Variants in MCF2L observed in about 807,000 individuals in gnomAD.
MCF2L encodes the protein guanine nucleotide exchange factor DBS.
A neutral mutation model predicts 153.4 loss-of-function variants in MCF2L; 97 were observed. That is an observed-to-expected ratio of 0.63 (90% CI 0.54 to 0.75). The LOEUF (loss-of-function observed/expected upper bound fraction) is 0.75. MCF2L is among the 30% of genes least tolerant of loss of function. The probability of loss-of-function intolerance (pLI) is 0.00; values close to 1 mark genes in which losing one functional copy is unlikely to be tolerated. For missense variants in MCF2L, 1,347 were observed against 1,495.2 expected (o/e 0.90, Z 1.64); for synonymous variants, 659 against 632.2 (o/e 1.04, Z -0.64).
chr13:112,925,392 G>T (rs1016632377), intron 2 of MCF2L, among the ~76,000 whole-genome samples: 5 of 152,212 alleles, frequency 3.3e-5, no homozygotes, highest in African/African-American at 1.2e-4. Flanking sequence ...CACCCAAAAG[G>T]AAGGAGTACT....
Position 113,007,869 on chromosome 13 carries a change from A to G in MCF2L, c.80-6894A>G, listed in dbSNP as rs186100987. On this transcript the variant is annotated intron_variant, in intron 1 of 29. Coordinates refer to ENST00000535094, the MANE Select transcript of MCF2L (RefSeq NM_001112732.3). Reference sequence around the variant, plus strand: ...CCCAGACCAAGAGCCGTCACGTGACAAACTTTGTGCTTAAATGGGTTTTTA... The same window carrying G: ...CCCAGACCAAGAGCCGTCACGTGACGAACTTTGTGCTTAAATGGGTTTTTA... Among the ~76,000 whole-genome samples the G allele has an allele frequency of 1.1e-4, 17 of 148,290 alleles. 1 individual carries two copies. Among genetic ancestry groups the G allele is most frequent in the African/African-American group, 3.9e-4 (16 of 40,848 alleles).
intron 27 of MCF2L, chr13:113,095,521 C>T (rs1022559114): frequency 9.6e-6 from 10 of 1,040,342 alleles, no homozygotes; most frequent in South Asian, 6.9e-5. Flanking sequence ...GGGGAGTGAT[C>T]CTGGCTACTC....
chr13:112,905,492 G>A (rs1333268018), intron 2 of MCF2L, among the ~76,000 whole-genome samples: 1 of 152,226 alleles, frequency 6.6e-6, no homozygotes, highest in Non-Finnish European at 1.5e-5. Context: ...AAGGAGGCAA[G>A]GAAGTTAGGC....
chr13:113,081,247 G>T lies in MCF2L; in HGVS notation c.1843G>T (p.Ala615Ser). The change falls in exon 16 of 30, where the codon GCC (alanine) becomes TCC (serine). Residue 615 changes from alanine to serine, a missense_variant. By Grantham distance (99) the Ala-to-Ser change is moderately conservative. Coordinates refer to ENST00000535094, the MANE Select transcript of MCF2L (RefSeq NM_001112732.3). Reference sequence around the variant, plus strand: ...GAGCGAGCTCCTGGACACAGAACGGGCCTACGTGGAGGAGCTGCTGTGCGT... The same window carrying T: ...GAGCGAGCTCCTGGACACAGAACGGTCCTACGTGGAGGAGCTGCTGTGCGT... Reference protein sequence around the residue: ...VMSELLDTERAYVEELLCVLE... With the variant: ...VMSELLDTERSYVEELLCVLE... 2 of 1,592,878 alleles carry T rather than the reference G, an allele frequency of 1.3e-6. No individual in the cohort carries two copies. Among genetic ancestry groups the T allele is most frequent in the Non-Finnish European group, 8.5e-7 (1 of 1,170,840 alleles).
chr13:113,091,528 G>A (rs763528108), intron 26 of MCF2L, among the ~76,000 whole-genome samples: 3 of 152,034 alleles, frequency 2.0e-5, no homozygotes, highest in East Asian at 2.0e-4. Flanking sequence ...GGCTGCTGTC[G>A]GCTATAGGGC....
chr13:113,060,546 G>A lies in MCF2L; in HGVS notation c.370-47G>A, dbSNP rs755559837. Reference sequence around the variant, plus strand: ...CAGGCACCGCACTAGGGGGGCTGCTGTCTGCAGAGCACGCTGCAGGCCCTT... The same window carrying A: ...CAGGCACCGCACTAGGGGGGCTGCTATCTGCAGAGCACGCTGCAGGCCCTT... On this transcript the variant is annotated intron_variant, in intron 4 of 29. Transcript: ENST00000535094. 8 of 1,603,258 alleles carry A rather than the reference G, an allele frequency of 5.0e-6. No individual in the cohort carries two copies. In the South Asian group the frequency reaches 5.5e-5, roughly 11 times the overall value.
intron 2 of MCF2L, among the ~76,000 whole-genome samples, chr13:113,016,746 G>A (rs187034902): frequency 1.3e-5 from 2 of 152,102 alleles, no homozygotes; most frequent in South Asian, 2.1e-4. Context: ...AATTTCTTCC[G>A]CGGGGCTTGT....
chr13:113,062,865 C>T (rs539487605), intron 5 of MCF2L, among the ~76,000 whole-genome samples: 13 of 152,242 alleles, frequency 8.5e-5, no homozygotes, highest in Admixed American at 6.5e-4. Flanking sequence ...CTTATGCGGC[C>T]GTCGCAACCA....
At chr13:113,002,515 G>A (rs1594584192) in intron 1 of MCF2L, among the ~76,000 whole-genome samples, 1 of 152,350 alleles carries the variant, frequency 6.6e-6, no homozygotes, top group African/African-American at 2.4e-5. Flanking sequence ...GACTTGGGAG[G>A]CCCCTGGCCA....
At position 113,046,739 on chromosome 13, in the gene MCF2L, G is replaced by A. The variant is rs9577436; in HGVS notation, c.369+1378G>A. 5.9e-3 allele frequency: 2,823 copies of A among 478,950 alleles called. 154 individuals are homozygous for A. The East Asian group carries it at 0.12, about 20-fold the overall frequency. The allele number at this position is 478,950 out of a possible 1,614,324, so 29.7% of individuals were successfully genotyped here. A position where few individuals can be genotyped will look rare whatever the true frequency, so the allele number is the denominator to read the frequency against. On this transcript the variant is annotated intron_variant, in intron 4 of 29. Coordinates refer to ENST00000535094, the MANE Select transcript of MCF2L (RefSeq NM_001112732.3). This position sits in a 1 kb window ranked among gnomAD's most constrained non-coding sequence, Gnocchi z 4.4. ...CCACGGCACCTCTCTGCCCCTCGCC[G>A]CGGCGGATCCCCGTTCCTGACCCTG...
upstream of MCF2L, chr13:112,967,800 C>T (rs1385957150): frequency 1.3e-5 from 2 of 153,648 alleles, 1 homozygote. Flanking sequence ...CTCTGTTGGA[C>T]GCTGGAATGC....
At chr13:112,903,270 G>A (rs1459799644) in intron 2 of MCF2L, among the ~76,000 whole-genome samples, 1 of 152,156 alleles carries the variant, frequency 6.6e-6, no homozygotes, top group Non-Finnish European at 1.5e-5. Flanking sequence ...TGCTTTTCTG[G>A]GCCTTGTCCT....
intron 26 of MCF2L, chr13:113,090,901 T>G: frequency 2.6e-6 from 3 of 1,175,446 alleles, no homozygotes; most frequent in Non-Finnish European, 3.2e-6. Context: ...CGCCTCTGAG[T>G]GCCGCAGCCC....
intron 1 of MCF2L, among the ~76,000 whole-genome samples, chr13:113,002,398 G>A (rs1393255245): frequency 6.6e-6 from 1 of 152,280 alleles, no homozygotes; most frequent in African/African-American, 2.4e-5. Context: ...TCTGGCTGGT[G>A]GAGGGGCTGC....
intron 1 of MCF2L, among the ~76,000 whole-genome samples, chr13:112,901,895 C>T (rs1402794278): frequency 1.3e-5 from 2 of 152,190 alleles, no homozygotes; most frequent in African/African-American, 2.4e-5. Flanking sequence ...GTCTGAATGT[C>T]GAGGGGAAAA....
intron 4 of MCF2L, among the ~76,000 whole-genome samples, chr13:113,059,515 G>T (rs1005547916): frequency 2.0e-5 from 3 of 152,240 alleles, no homozygotes; most frequent in Non-Finnish European, 2.9e-5. Context: ...AAACTCAGTT[G>T]CTTCAGTTTC....
chr13:113,024,596 G>A (rs749255685), intron 2 of MCF2L, 48 bp from the exon 3 acceptor site: 16 of 1,285,038 alleles, frequency 1.2e-5, no homozygotes, highest in Admixed American at 1.7e-5. Flanking sequence ...TGGAACCCCC[G>A]GGGGCATGGA....
intron 11 of MCF2L, 65 bp from the exon 12 acceptor site, chr13:113,075,901 C>A: frequency 1.5e-6 from 2 of 1,345,842 alleles, no homozygotes; most frequent in Non-Finnish European, 2.0e-6. Context: ...CAGTGTGTGC[C>A]TGGACAGGGT....
intron 4 of MCF2L, among the ~76,000 whole-genome samples, chr13:113,048,451 T>TTC (rs1555374808): frequency 1.3e-5 from 2 of 148,154 alleles, no homozygotes; most frequent in African/African-American, 5.0e-5. Flanking sequence ...TTTTTTTTTT[T>TTC]TTTTTTTGAG....
Sources: allele counts gnomAD v4.1 joint callset (sites outside exome capture counted in the v4.1 genomes callset), GRCh38; gene constraint gnomAD v4.1.1; non-coding constraint Gnocchi (gnomAD v3.1); transcripts MANE v1.5; gene names NCBI Gene and HGNC (gene_info 2026-07-23, HGNC 2026-07-21).